Variants in CDC42SE2 observed in about 807,000 individuals in gnomAD.
CDC42SE2 encodes CDC42 small effector 2.
Under a neutral mutation model 11.5 loss-of-function variants are expected in CDC42SE2, and 3 were observed. The observed-to-expected ratio is 0.26, with a 90% CI of 0.12 to 0.67. The LOEUF is 0.67. Ranked by LOEUF, CDC42SE2 falls within the 30% of genes least tolerant of loss-of-function variation. The pLI is 0.80. For synonymous variants in CDC42SE2, 33 were observed against 34.8 expected (o/e 0.95, Z 0.18); for missense variants, 82 against 106.8 (o/e 0.77, Z 1.02).
the CDC42SE2 span, among the ~76,000 whole-genome samples, chr5:131,215,906 G>T: frequency 6.6e-6 from 1 of 152,096 alleles, no homozygotes; most frequent in Non-Finnish European, 1.5e-5. Context: ...AAATTATGAT[G>T]GTTAATTAAG....
At chr5:131,285,908 TG>T (rs757205927) in intron 1 of CDC42SE2, among the ~76,000 whole-genome samples, 2 of 152,190 alleles carry the variant, frequency 1.3e-5, no homozygotes, top group African/African-American at 2.4e-5. Flanking sequence ...TTTGTGTCAT[TG>T]CTCACCACTT....
chr5:131,347,043 C>T (rs1159491778), intron 2 of CDC42SE2, among the ~76,000 whole-genome samples: 1 of 152,046 alleles, frequency 6.6e-6, no homozygotes, highest in Admixed American at 6.6e-5. Context: ...CAAGAGAAAG[C>T]AGGAAAGATC....
intron 1 of CDC42SE2, among the ~76,000 whole-genome samples, chr5:131,311,158 CA>C (rs941030326): frequency 4.0e-5 from 6 of 151,680 alleles, no homozygotes; most frequent in African/African-American, 2.4e-5. Flanking sequence ...AATCTCTCAG[CA>C]TTTGCTTGTC....
chr5:131,335,438 A>G (rs1428769095), intron 2 of CDC42SE2, among the ~76,000 whole-genome samples: 1 of 152,148 alleles, frequency 6.6e-6, no homozygotes, highest in Admixed American at 6.6e-5. Context: ...AAGAATGTAT[A>G]TTCTGTTGAT....
At chr5:131,276,901 T>A (rs912434967) in intron 1 of CDC42SE2, among the ~76,000 whole-genome samples, 13 of 151,970 alleles carry the variant, frequency 8.6e-5, no homozygotes, top group African/African-American at 2.9e-4. Flanking sequence ...CTAATTTTTT[T>A]ATTTTTTTTT....
chr5:131,353,617 C>A (rs775995005), intron 2 of CDC42SE2, among the ~76,000 whole-genome samples: 12 of 152,046 alleles, frequency 7.9e-5, no homozygotes, highest in Non-Finnish European at 5.9e-5. Flanking sequence ...AAATTTTTGT[C>A]ATTTAAGGCT....
chr5:131,288,893 T>G (rs1023313444), intron 1 of CDC42SE2, among the ~76,000 whole-genome samples: 4 of 152,316 alleles, frequency 2.6e-5, no homozygotes, highest in East Asian at 3.9e-4. Flanking sequence ...ATTTAAGGGT[T>G]GTTGTTGTTC....
intron 1 of CDC42SE2, among the ~76,000 whole-genome samples, chr5:131,284,640 T>A (rs1268861660): frequency 1.3e-5 from 2 of 152,072 alleles, no homozygotes; most frequent in East Asian, 1.9e-4. Flanking sequence ...CCAGCTAATT[T>A]AAAAATTTTT....
At chr5:131,287,386 C>T (rs1757363103) in intron 1 of CDC42SE2, among the ~76,000 whole-genome samples, 1 of 152,098 alleles carries the variant, frequency 6.6e-6, no homozygotes, top group South Asian at 2.1e-4. Flanking sequence ...TTAATCTGAA[C>T]CATTGATGTT....
rs771443388 is a variant in CDC42SE2, at chr5:131,385,545, A to G, written c.57A>G (p.Lys19=). Residue 19 remains lysine, a splice_region_variant and synonymous_variant, in exon 4 of 5, where the codon AAA becomes AAG. Transcript: ENST00000505065. ...NCCIAEQPQP[K]RRRRIDRSMI... The stretch of plus-strand genomic sequence containing the variant: ...CACATTTGTTCCCCATATTTTAGAA[A>G]AGGCGACGGCGGATTGACAGAAGTA... The G allele has an allele frequency of 5.0e-6, 8 of 1,612,172 alleles. No homozygotes were observed. The South Asian group carries it at 7.7e-5, about 16-fold the overall frequency.
chr5:131,238,562 A>G, the CDC42SE2 span, among the ~76,000 whole-genome samples: 1 of 151,742 alleles, frequency 6.6e-6, no homozygotes, highest in Non-Finnish European at 1.5e-5. Flanking sequence ...GTACATATAT[A>G]CCTATATAAC....
chr5:131,252,058 G>GAGGAAGGAAGGA (rs1561561614), intron 1 of CDC42SE2, among the ~76,000 whole-genome samples: 1 of 41,082 alleles, frequency 2.4e-5, no homozygotes, highest in Non-Finnish European at 6.9e-5. Context: ...AAGAGAATGA[G>GAGGAAGGAAGGA]TGGAAGGAAG....
chr5:131,269,363 TAACTA>T (rs1216164450), intron 1 of CDC42SE2, among the ~76,000 whole-genome samples: 1 of 152,242 alleles, frequency 6.6e-6, no homozygotes, highest in Non-Finnish European at 1.5e-5. Flanking sequence ...ACCTTTGAAA[TAACTA>T]AATTATGAGC....
At chr5:131,338,200 T>C (rs1758623071) in intron 2 of CDC42SE2, among the ~76,000 whole-genome samples, 1 of 152,234 alleles carries the variant, frequency 6.6e-6, no homozygotes, top group Non-Finnish European at 1.5e-5. Context: ...CAGTTATTTT[T>C]GTACTGGCCA....
chr5:131,360,893 A>G (rs798413), intron 3 of CDC42SE2, among the ~76,000 whole-genome samples: 65,323 of 151,956 alleles, frequency 0.43, 18,000 homozygotes, highest in African/African-American at 0.78. Context: ...TACTTACTTA[A>G]TATGTTTTGC....
the CDC42SE2 span, among the ~76,000 whole-genome samples, chr5:131,225,826 C>A: frequency 6.6e-6 from 1 of 151,830 alleles, no homozygotes; most frequent in Non-Finnish European, 1.5e-5. Context: ...TGAGAAGGAA[C>A]TAAACACACC....
chr5:131,334,454 G>C (rs1758504119), intron 2 of CDC42SE2, among the ~76,000 whole-genome samples: 1 of 152,092 alleles, frequency 6.6e-6, no homozygotes, highest in South Asian at 2.1e-4. Context: ...GCCCGGCTTT[G>C]GTATCAGGAT....
intron 3 of CDC42SE2, 33 bp downstream of exon 3, chr5:131,359,580 G>T: frequency 6.5e-7 from 1 of 1,547,366 alleles, no homozygotes; most frequent in Non-Finnish European, 8.9e-7. Context: ...CATCAGGTGG[G>T]GTGCTTATTA....
intron 1 of CDC42SE2, among the ~76,000 whole-genome samples, chr5:131,306,393 A>T (rs1757778559): frequency 6.6e-6 from 1 of 151,698 alleles, no homozygotes; most frequent in Non-Finnish European, 1.5e-5. Flanking sequence ...CTTTGTTGAA[A>T]GCCAGTTGAC....
Sources: allele counts gnomAD v4.1 joint callset (sites outside exome capture counted in the v4.1 genomes callset), GRCh38; gene constraint gnomAD v4.1.1; transcripts MANE v1.5; gene names NCBI Gene and HGNC (gene_info 2026-07-23, HGNC 2026-07-21).